HPSE2: variants seen among roughly 807,000 people sequenced by gnomAD.
HPSE2 encodes inactive heparanase-2.
In HPSE2, 38 loss-of-function variants were observed where a neutral mutation model predicts 60.5. That is an observed-to-expected ratio of 0.63 (90% CI 0.48 to 0.82). HPSE2 has a LOEUF of 0.82. HPSE2 is among the 40% of genes least tolerant of loss of function. The probability of loss-of-function intolerance (pLI) is 0.00; values close to 1 mark genes in which losing one functional copy is unlikely to be tolerated. For synonymous variants in HPSE2, 295 were observed against 293.2 expected (o/e 1.01, Z -0.06); for missense variants, 713 against 740.4 (o/e 0.96, Z 0.43).
At chr10:99,001,757 T>C (rs1410185519) in intron 3 of HPSE2, among the ~76,000 whole-genome samples, 1 of 152,068 alleles carries the variant, frequency 6.6e-6, no homozygotes, top group East Asian at 1.9e-4. Context: ...AAAGATAATG[T>C]TATGAGTAAA....
At chr10:98,505,409 G>A (rs994785795) in intron 9 of HPSE2, among the ~76,000 whole-genome samples, 1 of 152,148 alleles carries the variant, frequency 6.6e-6, no homozygotes, top group African/African-American at 2.4e-5. Context: ...TGGAATTGCT[G>A]TGTCATATAC....
intron 3 of HPSE2, among the ~76,000 whole-genome samples, chr10:98,986,186 A>T (rs987851356): frequency 3.3e-5 from 5 of 152,122 alleles, no homozygotes; most frequent in South Asian, 2.1e-4. Flanking sequence ...CAACAGAATA[A>T]ACATTCTTTT....
At chr10:99,206,620 C>A (rs1478687536) in intron 2 of HPSE2, among the ~76,000 whole-genome samples, 1 of 150,124 alleles carries the variant, frequency 6.7e-6, no homozygotes, top group Non-Finnish European at 1.5e-5. Flanking sequence ...GCACTCCTAA[C>A]CCCCATGTTG....
chr10:98,571,961 C>T (rs1471391879), intron 9 of HPSE2, among the ~76,000 whole-genome samples: 8 of 23,396 alleles, frequency 3.4e-4, no homozygotes, highest in Non-Finnish European at 9.2e-4. Context: ...TTTTTTGAGA[C>T]GGAGTCTCGT....
At chr10:99,235,938 ACTCTCTCTCTCTCCCG>A (rs1259157924), upstream of HPSE2, 13 of 603,532 alleles carry the variant, frequency 2.2e-5, no homozygotes, top group South Asian at 3.3e-5. Context: ...ACACACACAC[ACTCTCTCTCTCTCCCG>A]CTCTCTCTCT....
chr10:99,227,081 T>C (rs942397906), intron 2 of HPSE2, among the ~76,000 whole-genome samples: 1 of 152,092 alleles, frequency 6.6e-6, no homozygotes, highest in African/African-American at 2.4e-5. Flanking sequence ...TTGGCAGTTG[T>C]GCTGTTCTTA....
At chr10:99,119,077 A>AAGAGAAAGAAAGAG (rs2135705455) in intron 3 of HPSE2, among the ~76,000 whole-genome samples, 1 of 120,844 alleles carries the variant, frequency 8.3e-6, no homozygotes, top group African/African-American at 2.9e-5. Flanking sequence ...GAAAGAAAGA[A>AAGAGAAAGAAAGAG]AGAGAAAGAA....
chr10:98,726,775 A>G (rs1589718339), intron 4 of HPSE2, among the ~76,000 whole-genome samples: 1 of 152,128 alleles, frequency 6.6e-6, no homozygotes, highest in African/African-American at 2.4e-5. Context: ...AGGAGGGACT[A>G]CAGGATAGAA....
chr10:99,272,481 AACAG>A, the HPSE2 span, among the ~76,000 whole-genome samples: 1 of 152,208 alleles, frequency 6.6e-6, no homozygotes, highest in Non-Finnish European at 1.5e-5. Context: ...CAGCAGAGTA[AACAG>A]ACAGCCCACA....
chr10:99,109,009 A>T (rs1396174856), intron 3 of HPSE2, among the ~76,000 whole-genome samples: 3 of 152,192 alleles, frequency 2.0e-5, no homozygotes, highest in African/African-American at 7.2e-5. Flanking sequence ...AATCTCGGTC[A>T]GGAAGGCTCA....
intron 9 of HPSE2, among the ~76,000 whole-genome samples, chr10:98,593,285 T>C (rs1365384948): frequency 2.0e-5 from 3 of 152,064 alleles, no homozygotes; most frequent in African/African-American, 7.2e-5. Context: ...ACTGAGTATG[T>C]TGTGGGTAAT....
At chr10:98,554,863 A>G (rs924766781) in intron 9 of HPSE2, among the ~76,000 whole-genome samples, 2 of 152,132 alleles carry the variant, frequency 1.3e-5, no homozygotes, top group Non-Finnish European at 2.9e-5. Flanking sequence ...GCTCTAGATC[A>G]CTATTTCCCA....
Position 98,592,140 on chromosome 10 carries a change from T to C in HPSE2, c.1320+22764A>G, listed in dbSNP as rs528694539. 3.9e-5 allele frequency among the ~76,000 whole-genome samples: 6 copies of C among 152,358 alleles called. No individual in the cohort carries two copies. The South Asian group carries it at 1.0e-3, about 26-fold the overall frequency. ...CTCAAAGACTGCTACAGTCTTGACT[T>C]TGGTCATTCATTTCCTTGAGTTACC... On this transcript the variant is annotated intron_variant, in intron 9 of 11. Coordinates refer to ENST00000370552, the MANE Select transcript of HPSE2 (RefSeq NM_021828.5).
intron 2 of HPSE2, among the ~76,000 whole-genome samples, chr10:99,200,175 A>G (rs1848528555): frequency 6.6e-6 from 1 of 151,604 alleles, no homozygotes; most frequent in Admixed American, 6.6e-5. Flanking sequence ...GGTAAATTTT[A>G]TATTATGTGT....
intron 3 of HPSE2, among the ~76,000 whole-genome samples, chr10:98,760,539 G>T (rs566396921): frequency 6.6e-6 from 1 of 152,022 alleles, no homozygotes; most frequent in South Asian, 2.1e-4. Context: ...TAATTTTTCT[G>T]CATCTATTGA....
At chr10:98,982,099 A>AT (rs766654921) in intron 3 of HPSE2, among the ~76,000 whole-genome samples, 31 of 152,036 alleles carry the variant, frequency 2.0e-4, no homozygotes, top group African/African-American at 7.2e-4. Context: ...TTTTTAAATA[A>AT]TTTTTTTAGA....
intron 3 of HPSE2, among the ~76,000 whole-genome samples, chr10:98,798,630 T>C (rs891526017): frequency 6.7e-6 from 1 of 148,590 alleles, no homozygotes; most frequent in African/African-American, 2.6e-5. Context: ...TTTGTCTGTT[T>C]GTTTATATAA....
At chr10:99,311,441 CT>C in the HPSE2 span, among the ~76,000 whole-genome samples, 2 of 152,086 alleles carry the variant, frequency 1.3e-5, no homozygotes, top group East Asian at 3.8e-4. Flanking sequence ...ATATTTCAAG[CT>C]TTTTCATTAT....
chr10:98,717,123 A>T (rs1353424682), intron 5 of HPSE2, among the ~76,000 whole-genome samples: 1 of 152,124 alleles, frequency 6.6e-6, no homozygotes, highest in African/African-American at 2.4e-5. Flanking sequence ...TAAACTTCAT[A>T]AACAAACCTC....
Sources: allele counts gnomAD v4.1 joint callset (sites outside exome capture counted in the v4.1 genomes callset), GRCh38; gene constraint gnomAD v4.1.1; transcripts MANE v1.5; gene names NCBI Gene and HGNC (gene_info 2026-07-23, HGNC 2026-07-21).